Variants in SECISBP2 observed in about 807,000 individuals in gnomAD.
SECISBP2 encodes the protein selenocysteine insertion sequence-binding protein 2.
Under a neutral mutation model 98.2 loss-of-function variants are expected in SECISBP2, and 96 were observed. The ratio of observed to expected loss-of-function variants is 0.98; its 90% confidence interval spans 0.83 to 1.16. The LOEUF is 1.16. SECISBP2 is among the 50% of genes most tolerant of loss of function. The pLI is 0.00. For synonymous variants in SECISBP2, 407 were observed against 370.2 expected (o/e 1.10, Z -1.14); for missense variants, 1,046 against 1,022.9 (o/e 1.02, Z -0.31).
At chr9:89,362,937 C>G (rs1832934228), downstream of SECISBP2, among the ~76,000 whole-genome samples, 1 of 152,188 alleles carries the variant, frequency 6.6e-6, no homozygotes, top group Admixed American at 6.5e-5. Context: ...GCCTCTGCCC[C>G]ACTGCCTGCA....
intron 6 of SECISBP2, 27 bp from the exon 7 acceptor site, chr9:89,334,495 T>A: frequency 6.3e-7 from 1 of 1,590,656 alleles, no homozygotes; most frequent in Non-Finnish European, 8.6e-7. Context: ...TTGAGATTGT[T>A]CAACAATTTT....
intron 2 of SECISBP2, among the ~76,000 whole-genome samples, chr9:89,321,438 G>A (rs1276171528): frequency 1.3e-5 from 2 of 151,958 alleles, no homozygotes; most frequent in African/African-American, 2.4e-5. Flanking sequence ...AGGCCAAGGC[G>A]GGTGGATCAC....
intron 14 of SECISBP2, chr9:89,356,936 C>T (rs1160122595): frequency 2.4e-5 from 6 of 247,960 alleles, no homozygotes; most frequent in Non-Finnish European, 4.0e-5. Context: ...CACCTCCATC[C>T]TCTCTCTGGT....
At chr9:89,323,457 G>GGA (rs1192873984) in intron 2 of SECISBP2, 1 of 152,814 alleles carries the variant, frequency 6.5e-6, no homozygotes, top group Non-Finnish European at 1.5e-5. Context: ...TCCAGGCCAG[G>GGA]GAGCTTTTCA....
the SECISBP2 span, among the ~76,000 whole-genome samples, chr9:89,366,260 G>A: frequency 6.6e-6 from 1 of 152,186 alleles, no homozygotes; most frequent in Non-Finnish European, 1.5e-5. Flanking sequence ...GGATGCTGGT[G>A]GTAACTACCT....
At chr9:89,350,041 A>T in intron 13 of SECISBP2, 112 bp downstream of exon 13, 3 of 1,316,554 alleles carry the variant, frequency 2.3e-6, no homozygotes, top group Non-Finnish European at 3.2e-6. Flanking sequence ...GTGCTTTAAA[A>T]ACCTCATGGT....
Position 89,318,843 on chromosome 9 carries a change from G to A in SECISBP2, c.36+231G>A, listed in dbSNP as rs1564294174. 7 of 1,277,266 alleles carry A rather than the reference G, an allele frequency of 5.5e-6. No individual in the cohort carries two copies. In the South Asian group the frequency reaches 1.8e-4, roughly 33 times the overall value. 79.1% of individuals were successfully genotyped at this position (1,277,266 alleles called of 1,614,324 possible). ...CCACAGTTAGCGCCGCGTCTGTGGT[G>A]CGATGTCACCCAGCGCAGTGACTGC... On this transcript the variant is annotated intron_variant, in intron 1 of 16. Coordinates refer to ENST00000375807, the MANE Select transcript of SECISBP2 (RefSeq NM_024077.5).
At chr9:89,363,730 G>A, downstream of SECISBP2, 1 of 1,610,168 alleles carries the variant, frequency 6.2e-7, no homozygotes, top group Non-Finnish European at 8.5e-7. Context: ...GTGGGCATGG[G>A]AATCACTTAC....
At chr9:89,335,939 A>G (rs576439879) in intron 7 of SECISBP2, among the ~76,000 whole-genome samples, 2 of 152,272 alleles carry the variant, frequency 1.3e-5, no homozygotes, top group South Asian at 2.1e-4. Context: ...TTACCAGTAC[A>G]AGAGTACTAG....
intron 14 of SECISBP2, among the ~76,000 whole-genome samples, chr9:89,352,117 C>T (rs1346108329): frequency 6.6e-6 from 1 of 152,166 alleles, no homozygotes; most frequent in African/African-American, 2.4e-5. Flanking sequence ...CTGTTACTTC[C>T]CCTAATGTAT....
At chr9:89,346,156 G>A (rs540243637) in intron 10 of SECISBP2, among the ~76,000 whole-genome samples, 3 of 152,182 alleles carry the variant, frequency 2.0e-5, no homozygotes, top group African/African-American at 7.2e-5. Context: ...TTTTTTCTTT[G>A]GCGTATGTTT....
downstream of SECISBP2, among the ~76,000 whole-genome samples, chr9:89,362,878 C>T (rs950622382): frequency 6.6e-6 from 1 of 152,180 alleles, no homozygotes; most frequent in African/African-American, 2.4e-5. Flanking sequence ...ATTTAGGAGC[C>T]GGGGCTGGAC....
intron 2 of SECISBP2, among the ~76,000 whole-genome samples, chr9:89,320,240 C>CA (rs1825497822): frequency 6.6e-6 from 1 of 151,174 alleles, no homozygotes; most frequent in South Asian, 2.1e-4. Context: ...CCTGTAATCC[C>CA]AGGTATTCGG....
At chr9:89,321,180 C>T (rs765788624) in intron 2 of SECISBP2, among the ~76,000 whole-genome samples, 1 of 152,136 alleles carries the variant, frequency 6.6e-6, no homozygotes, top group African/African-American at 2.4e-5. Flanking sequence ...TGAGTTGTTC[C>T]CTACCTTGAG....
intron 10 of SECISBP2, among the ~76,000 whole-genome samples, chr9:89,345,025 T>C (rs1057073159): frequency 2.0e-5 from 3 of 152,242 alleles, no homozygotes; most frequent in African/African-American, 7.2e-5. Context: ...CTTCCTTTGG[T>C]ATTAGTGACA....
intron 5 of SECISBP2, among the ~76,000 whole-genome samples, chr9:89,331,928 A>G (rs1351316353): frequency 1.3e-5 from 2 of 152,214 alleles, no homozygotes; most frequent in Non-Finnish European, 2.9e-5. Context: ...AAAGAAGTAG[A>G]AGGATACTAA....
intron 14 of SECISBP2, among the ~76,000 whole-genome samples, chr9:89,351,611 T>G (rs1344207427): frequency 7.9e-5 from 12 of 152,134 alleles, no homozygotes; most frequent in Admixed American, 7.2e-4. Flanking sequence ...AGTCCCACTT[T>G]GAGATAATGC....
the SECISBP2 span, chr9:89,365,073 T>C: frequency 6.6e-6 from 1 of 152,302 alleles, no homozygotes; most frequent in Non-Finnish European, 1.5e-5. Context: ...CTCCCTGTTC[T>C]TACTGAAGGA....
chr9:89,354,254 G>A (rs1434748781), intron 14 of SECISBP2, among the ~76,000 whole-genome samples: 4 of 152,350 alleles, frequency 2.6e-5, no homozygotes, highest in African/African-American at 9.6e-5. Context: ...ACCAGGCTCA[G>A]TGATGTGCCA....
Sources: allele counts gnomAD v4.1 joint callset (sites outside exome capture counted in the v4.1 genomes callset), GRCh38; gene constraint gnomAD v4.1.1; transcripts MANE v1.5; gene names NCBI Gene and HGNC (gene_info 2026-07-23, HGNC 2026-07-21).